Variants in PCDHA6 observed in about 807,000 individuals in gnomAD.
PCDHA6 encodes protocadherin alpha 6, also known as protocadherin alpha-6.
A neutral mutation model predicts 60.3 loss-of-function variants in PCDHA6; 55 were observed. The ratio of observed to expected loss-of-function variants is 0.91; its 90% CI spans 0.73 to 1.14. The LOEUF is 1.14. Ranked by LOEUF, PCDHA6 falls within the 50% of genes most tolerant of loss-of-function variation. The probability of loss-of-function intolerance (pLI) is 0.00; values close to 1 mark genes in which losing one functional copy is unlikely to be tolerated. For missense variants in PCDHA6, 1,327 were observed against 1,256.5 expected, an observed-to-expected ratio of 1.06 and a Z score of -0.85; for synonymous variants, 652 against 557.9, an observed-to-expected ratio of 1.17 and a Z score of -2.38.
chr5:140,888,724 C>G (rs1437926423), intron 1 of PCDHA6, among the ~76,000 whole-genome samples: 6 of 151,938 alleles, frequency 3.9e-5, no homozygotes, highest in African/African-American at 1.5e-4. Flanking sequence ...ATTTCCAGCC[C>G]TTTGTGAGCT....
intron 1 of PCDHA6, chr5:140,836,533 T>C (rs1554136046): frequency 1.2e-6 from 2 of 1,613,852 alleles, no homozygotes; most frequent in South Asian, 1.1e-5. Flanking sequence ...ACCCTGCTGC[T>C]GTACACGGCG....
At chr5:140,912,806 T>TA (rs1378576653) in intron 1 of PCDHA6, among the ~76,000 whole-genome samples, 2 of 152,232 alleles carry the variant, frequency 1.3e-5, no homozygotes, top group African/African-American at 4.8e-5. Context: ...TGAGGGTTTT[T>TA]ATCATAAAGG....
In PCDHA6 at chr5:141,009,709, C is replaced by A; in HGVS notation, c.2625C>A (p.Asn875Lys). The A allele has an allele frequency of 6.2e-7, 1 of 1,614,118 alleles. No homozygotes were observed. Among genetic ancestry groups the A allele is most frequent in the Non-Finnish European group, 8.5e-7 (1 of 1,180,024 alleles). Reference sequence around the variant, plus strand: ...GGACCTTTAAATACGGACCAGGCAACCCCAAACAATCCGGTCCCGGTGAGT... The same window carrying A: ...GGACCTTTAAATACGGACCAGGCAAACCCAAACAATCCGGTCCCGGTGAGT... ...NSWTFKYGPG[N>K]PKQSGPGELP... is the part of the protein sequence containing the mutation. The change falls in exon 4 of 4, where the codon AAC (asparagine) becomes AAA (lysine). Residue 875 changes from asparagine (N) to lysine (K), a missense_variant. Physicochemically the swap from Asn to Lys is moderately conservative, Grantham distance 94. Transcript: ENST00000529310.
At chr5:140,879,347 T>C (rs530902728) in intron 1 of PCDHA6, among the ~76,000 whole-genome samples, 44 of 152,324 alleles carry the variant, frequency 2.9e-4, no homozygotes, top group African/African-American at 1.0e-3. Context: ...GCTGAGAAGA[T>C]GACATTGCCA....
chr5:140,914,364 A>T lies in PCDHA6; in HGVS notation c.2395-64585A>T, dbSNP rs1256559741. 2.0e-5 allele frequency among the ~76,000 whole-genome samples: 3 copies of T among 152,096 alleles called. No individual in the cohort carries two copies. The East Asian group carries it at 5.8e-4, about 29-fold the overall frequency. On this transcript the variant is annotated intron_variant, in intron 1 of 3. Transcript: ENST00000529310. ...CTCTTTTTGGAGTTTTTGTCTTGAG[A>T]TCTATTTTATCTGTTATAAGTGTAG...
In PCDHA6 at chr5:141,010,294, C is replaced by T. The variant is rs545906858; in HGVS notation, c.*357C>T. ...TCCTGTCTTGATGACACTTGCAGGG[C>T]AGGCTGAAAAGTTTTGAGATTGAGC... On this transcript the variant is annotated 3_prime_UTR_variant, in exon 4 of 4. Coordinates refer to ENST00000529310, the MANE Select transcript of PCDHA6 (RefSeq NM_018909.4). 3.2e-6 allele frequency: 5 copies of T among 1,549,782 alleles called. No homozygotes were observed. Among genetic ancestry groups the T allele is most frequent in the Non-Finnish European group, 4.4e-6 (5 of 1,146,446 alleles).
At chr5:140,965,848 C>T (rs2095941298) in intron 1 of PCDHA6, among the ~76,000 whole-genome samples, 1 of 152,178 alleles carries the variant, frequency 6.6e-6, no homozygotes, top group Non-Finnish European at 1.5e-5. Context: ...TTTGCCAAGG[C>T]ACACACTGAA....
chr5:140,930,985 A>G (rs2087229279), intron 1 of PCDHA6, among the ~76,000 whole-genome samples: 1 of 152,110 alleles, frequency 6.6e-6, no homozygotes, highest in Non-Finnish European at 1.5e-5. Context: ...TTTCTTCCTC[A>G]TGACCTACAC....
intron 1 of PCDHA6, chr5:140,883,616 G>C: frequency 6.2e-7 from 1 of 1,614,014 alleles, no homozygotes; most frequent in Non-Finnish European, 8.5e-7. Flanking sequence ...CGACGTGAAC[G>C]ACAACGCGCC....
At chr5:140,841,207 T>A in intron 1 of PCDHA6, 1 of 1,357,192 alleles carries the variant, frequency 7.4e-7, no homozygotes, top group Non-Finnish European at 1.0e-6. Context: ...ACAGCATCTG[T>A]CTCTAAAGGC....
intron 1 of PCDHA6, among the ~76,000 whole-genome samples, chr5:140,972,660 ATTTTTTT>A (rs11350929): frequency 8.5e-6 from 1 of 117,268 alleles, no homozygotes; most frequent in Admixed American, 9.2e-5. Flanking sequence ...AAGAAACCAA[ATTTTTTT>A]TTTTTTTTTT....
Position 140,883,553 on chromosome 5 carries a change from G to A in PCDHA6, c.2394+53068G>A, listed in dbSNP as rs782158028. The A allele has an allele frequency of 4.3e-6, 7 of 1,614,122 alleles. No individual in the cohort carries two copies. In the South Asian group the frequency reaches 7.7e-5, roughly 18 times the overall value. On this transcript the variant is annotated intron_variant, in intron 1 of 3. Transcript: ENST00000529310. The stretch of plus-strand genomic sequence containing the variant: ...CTATGAACTGGTGGTGACCGCGCGG[G>A]ACGGGGGCTCGCCTTCGCTGTGGGC...
chr5:140,858,060 G>A lies in PCDHA6; in HGVS notation c.2394+27575G>A, dbSNP rs17844348. ...ACTGTGCTTGTGTCGCTTGTGGAGG[G>A]CAGCCAGGCACCCAAGGCCTCGTCG... On this transcript the variant is annotated intron_variant, in intron 1 of 3. Transcript: ENST00000529310. The A allele has an allele frequency of 4.3e-4, 686 of 1,597,590 alleles. 15 individuals are homozygous for A. In the East Asian group the frequency reaches 0.015, roughly 34 times the overall value.
chr5:140,863,553 A>C, intron 1 of PCDHA6: 2 of 378,210 alleles, frequency 5.3e-6, no homozygotes, highest in South Asian at 4.1e-5. Context: ...TTCAATAGGA[A>C]ATTTTTGAGA....
intron 1 of PCDHA6, chr5:140,836,321 C>T (rs781844463): frequency 6.2e-7 from 1 of 1,613,768 alleles, no homozygotes; most frequent in Non-Finnish European, 8.5e-7. Context: ...CGCGCCACCG[C>T]CTTCTGGTGC....
At chr5:140,916,377 C>T (rs1436518298) in intron 1 of PCDHA6, among the ~76,000 whole-genome samples, 4 of 152,092 alleles carry the variant, frequency 2.6e-5, no homozygotes, top group African/African-American at 9.7e-5. Flanking sequence ...CTGTAGCCAC[C>T]ACAACTAGGA....
At chr5:140,935,840 G>T (rs155359) in intron 1 of PCDHA6, among the ~76,000 whole-genome samples, 87,412 of 151,068 alleles carry the variant, frequency 0.58, 26,203 homozygotes, top group African/African-American at 0.75. Context: ...ATTCCATACT[G>T]CTTAATGGTG....
intron 1 of PCDHA6, chr5:140,877,568 A>G (rs782021677): frequency 1.9e-6 from 3 of 1,613,708 alleles, no homozygotes; most frequent in Non-Finnish European, 1.7e-6. Context: ...ATTAACGTGT[A>G]CCTCATCATC....
intron 1 of PCDHA6, chr5:140,928,467 A>G (rs782319281): frequency 6.2e-7 from 1 of 1,614,142 alleles, no homozygotes; most frequent in South Asian, 1.1e-5. Flanking sequence ...ATTTCCAAGT[A>G]GAAGGCCGGG....
Sources: gnomAD v4.1 joint callset for allele counts (sites outside exome capture counted in the v4.1 genomes callset) on GRCh38, gnomAD v4.1.1 for gene constraint, MANE v1.5 for transcripts, NCBI Gene and HGNC (gene_info 2026-07-23, HGNC 2026-07-21) for gene names.